ATP6V0A4: variants seen among roughly 807,000 people sequenced by gnomAD.
ATP6V0A4 encodes the protein V-type proton ATPase 116 kDa subunit a 4.
A neutral mutation model predicts 107.3 loss-of-function variants in ATP6V0A4; 86 were observed. That is an observed-to-expected ratio of 0.80 (90% CI 0.67 to 0.96). ATP6V0A4 has a LOEUF of 0.96. ATP6V0A4 is among the 40% of genes least tolerant of loss of function. The pLI is 0.00. For missense variants in ATP6V0A4, 908 were observed against 1,045.6 expected, an observed-to-expected ratio of 0.87 and a Z score of 1.81; for synonymous variants, 353 against 381.4, an observed-to-expected ratio of 0.93 and a Z score of 0.87.
chr7:138,749,326 A>G lies in ATP6V0A4; in HGVS notation c.1030-9T>C, dbSNP rs770457925. ...GAGGAGCCACTTAGTTCCTGGAAAA[A>G]AAAAAAAAAGCGACAAAGATGTAAG... On this transcript the variant is annotated splice_polypyrimidine_tract_variant and intron_variant, in intron 11 of 21. Coordinates refer to ENST00000310018, the MANE Select transcript of ATP6V0A4 (RefSeq NM_020632.3). The G allele has an allele frequency of 1.9e-6, 3 of 1,607,862 alleles. No homozygotes were observed. The highest frequency in any genetic ancestry group is 2.5e-6 in the Non-Finnish European group (3 of 1,177,462).
intron 18 of ATP6V0A4, among the ~76,000 whole-genome samples, chr7:138,725,674 G>A (rs1221759296): frequency 5.9e-5 from 9 of 152,126 alleles, no homozygotes; most frequent in African/African-American, 1.4e-4. Context: ...CCACCACGCC[G>A]GCTAATTTTT....
intron 18 of ATP6V0A4, among the ~76,000 whole-genome samples, chr7:138,728,064 A>G (rs1804806098): frequency 6.6e-6 from 1 of 152,186 alleles, no homozygotes; most frequent in Admixed American, 6.6e-5. Context: ...TTAGAATATT[A>G]ATGAAAAAAG....
At chr7:138,707,159 TAA>T (rs1472510444) in intron 21 of ATP6V0A4, among the ~76,000 whole-genome samples, 11 of 78,720 alleles carry the variant, frequency 1.4e-4, no homozygotes, top group African/African-American at 6.1e-4. Context: ...TATTAATATA[TAA>T]TATATTATAT....
At position 138,706,496 on chromosome 7, in the gene ATP6V0A4, A is replaced by G. The variant is rs1762794125; in HGVS notation, c.*128T>C. ...CCACAGGCTGACGTCCAAATAATAC[A>G]CAGTTTCATGCTTCAGGTGAGCCAA... On this transcript the variant is annotated 3_prime_UTR_variant, in exon 22 of 22. Coordinates refer to ENST00000310018, the MANE Select transcript of ATP6V0A4 (RefSeq NM_020632.3). 8.7e-7 allele frequency: 1 copy of G among 1,146,954 alleles called. No individual in the cohort carries two copies. The allele number at this position is 1,146,954 out of a possible 1,614,324, so 71.0% of individuals were successfully genotyped here. A position where few individuals can be genotyped will look rare whatever the true frequency, so the allele number is the denominator to read the frequency against.
At chr7:138,718,774 A>G (rs1477660006) in intron 19 of ATP6V0A4, among the ~76,000 whole-genome samples, 1 of 151,338 alleles carries the variant, frequency 6.6e-6, no homozygotes, top group East Asian at 1.9e-4. Flanking sequence ...GGACAAGATA[A>G]AAATGAGAAC....
intron 5 of ATP6V0A4, among the ~76,000 whole-genome samples, chr7:138,764,250 G>C (rs996563348): frequency 6.6e-6 from 1 of 151,854 alleles, no homozygotes; most frequent in African/African-American, 2.4e-5. Context: ...GGAGGGGTGA[G>C]GAGGGGCACA....
At chr7:138,760,722 T>A (rs1234069892) in intron 7 of ATP6V0A4, among the ~76,000 whole-genome samples, 1 of 152,178 alleles carries the variant, frequency 6.6e-6, no homozygotes, top group East Asian at 1.9e-4. Flanking sequence ...ATATTTCCAA[T>A]AAATATTTTT....
Position 138,798,182 on chromosome 7 carries a change from G to A in ATP6V0A4, c.-269C>T, listed in dbSNP as rs764980419. On this transcript the variant is annotated 5_prime_UTR_variant, in exon 1 of 22. Coordinates refer to ENST00000310018, the MANE Select transcript of ATP6V0A4 (RefSeq NM_020632.3). The stretch of plus-strand genomic sequence containing the variant: ...TTGCCTCCCTCCACTCGGCTTGCTC[G>A]GCAGGTAGCGTTATGAGCTTTATTC... 3.1e-6 allele frequency: 5 copies of A among 1,590,414 alleles called. No individual in the cohort carries two copies. Among genetic ancestry groups the A allele is most frequent in the East Asian group, 2.3e-5 (1 of 43,762 alleles).
At chr7:138,729,598 CT>C (rs1804887158) in intron 17 of ATP6V0A4, among the ~76,000 whole-genome samples, 1 of 152,144 alleles carries the variant, frequency 6.6e-6, no homozygotes, top group Non-Finnish European at 1.5e-5. Flanking sequence ...CCTCACGCCC[CT>C]GCCTCCTTTC....
chr7:138,743,108 C>G (rs952734715), intron 14 of ATP6V0A4, among the ~76,000 whole-genome samples: 3 of 152,044 alleles, frequency 2.0e-5, no homozygotes, highest in South Asian at 2.1e-4. Flanking sequence ...TCTCTTGGAG[C>G]CTCTCTGTGC....
At chr7:138,739,691 T>C in intron 14 of ATP6V0A4, 58 bp from the exon 15 acceptor site, 5 of 1,602,950 alleles carry the variant, frequency 3.1e-6, no homozygotes, top group Middle Eastern at 1.7e-4. Flanking sequence ...GAAAAGATAC[T>C]ATAATACCAC....
chr7:138,789,659 T>C (rs953073807), intron 1 of ATP6V0A4, among the ~76,000 whole-genome samples: 2 of 151,646 alleles, frequency 1.3e-5, no homozygotes, highest in African/African-American at 4.8e-5. Flanking sequence ...TGCTTTCCTG[T>C]GAAATAATCT....
Position 138,762,969 on chromosome 7 carries a change from G to A in ATP6V0A4, c.348C>T (p.Ala116=). The A allele has an allele frequency of 6.2e-7, 1 of 1,614,116 alleles. No individual in the cohort carries two copies. Among genetic ancestry groups the A allele is most frequent in the Non-Finnish European group, 8.5e-7 (1 of 1,180,032 alleles). ...TCAGTTCTAGGAAGCTTTGTTTCAA[G>A]GCCTGCTGGTTCTGGTTGGCTTCCT... ...ELQEANQNQQ[A]LKQSFLELTE... The change falls in exon 6 of 22, where the codon GCC becomes GCT. Residue 116 remains alanine (A), a synonymous_variant. Coordinates refer to ENST00000310018, the MANE Select transcript of ATP6V0A4 (RefSeq NM_020632.3).
intron 16 of ATP6V0A4, 70 bp from the exon 17 acceptor site, chr7:138,733,163 C>A: frequency 6.3e-7 from 1 of 1,594,538 alleles, no homozygotes; most frequent in South Asian, 1.1e-5. Context: ...ATTATTCTCT[C>A]AAAGCACAAA....
At chr7:138,768,037 G>A (rs1013735545) in intron 5 of ATP6V0A4, among the ~76,000 whole-genome samples, 3 of 152,154 alleles carry the variant, frequency 2.0e-5, no homozygotes, top group South Asian at 2.1e-4. Flanking sequence ...GGATTCAAGC[G>A]ATTCTCGTGC....
At chr7:138,790,691 G>T (rs1044687749) in intron 1 of ATP6V0A4, among the ~76,000 whole-genome samples, 5 of 152,150 alleles carry the variant, frequency 3.3e-5, no homozygotes, top group Non-Finnish European at 5.9e-5. Flanking sequence ...GAGAACTTTG[G>T]ATATGCATTT....
intron 8 of ATP6V0A4, 29 bp downstream of exon 8, chr7:138,759,723 A>G (rs368671571): frequency 6.2e-7 from 1 of 1,613,646 alleles, no homozygotes; most frequent in Non-Finnish European, 8.5e-7. Flanking sequence ...GAAGTCTCAG[A>G]GAAAGTTTTT....
rs537730575 is a variant in ATP6V0A4, at chr7:138,732,263, A to G, written c.1908+614T>C. Among the ~76,000 whole-genome samples, 6 of 152,294 alleles carry G rather than the reference A, an allele frequency of 3.9e-5. No homozygotes were observed. The East Asian group carries it at 1.2e-3, about 29-fold the overall frequency. ...ACATTCTACAGCTGCAAGCCTAACA[A>G]TTTGAAGGGTTATTTTTTTTTCTTT... On this transcript the variant is annotated intron_variant, in intron 17 of 21. Coordinates refer to ENST00000310018, the MANE Select transcript of ATP6V0A4 (RefSeq NM_020632.3).
intron 17 of ATP6V0A4, among the ~76,000 whole-genome samples, chr7:138,729,392 G>T (rs999970613): frequency 6.6e-6 from 1 of 152,138 alleles, no homozygotes; most frequent in Non-Finnish European, 1.5e-5. Context: ...GAAAAAAGAA[G>T]TTCCTCACCA....
Sources: allele counts gnomAD v4.1 joint callset (sites outside exome capture counted in the v4.1 genomes callset), GRCh38; gene constraint gnomAD v4.1.1; transcripts MANE v1.5; gene names NCBI Gene and HGNC (gene_info 2026-07-23, HGNC 2026-07-21).